The following PPP4R3B variants were observed in gnomAD, a reference collection of about 807,000 sequenced individuals.
PPP4R3B encodes the protein protein phosphatase 4 regulatory subunit 3B.
Under a neutral mutation model 95.4 loss-of-function variants are expected in PPP4R3B, and 52 were observed. That is an observed-to-expected ratio of 0.54 (90% CI 0.44 to 0.69). PPP4R3B has a LOEUF of 0.69. PPP4R3B is among the 30% of genes least tolerant of loss of function. The pLI, the probability that PPP4R3B is intolerant of heterozygous loss-of-function variation, is 0.00. For synonymous variants in PPP4R3B, 407 were observed against 343.9 expected (o/e 1.18, Z -2.03); for missense variants, 1,003 against 1,005.9 (o/e 1.00, Z 0.04).
chr2:55,574,620 G>C (rs1052878988), intron 11 of PPP4R3B, among the ~76,000 whole-genome samples: 22 of 150,346 alleles, frequency 1.5e-4, no homozygotes, highest in African/African-American at 5.4e-4. Flanking sequence ...TTGATACAGA[G>C]TCTTGCTCTG....
intron 16 of PPP4R3B, among the ~76,000 whole-genome samples, chr2:55,554,339 C>G (rs1685581604): frequency 6.6e-6 from 1 of 152,226 alleles, no homozygotes; most frequent in South Asian, 2.1e-4. Context: ...CAGGCATAAG[C>G]CTATGCACCA....
intron 2 of PPP4R3B, among the ~76,000 whole-genome samples, chr2:55,611,903 A>AT (rs982234729): frequency 2.0e-5 from 3 of 151,758 alleles, no homozygotes; most frequent in African/African-American, 7.3e-5. Flanking sequence ...TAATTTTTGA[A>AT]TTTTTTTTGG....
intron 15 of PPP4R3B, among the ~76,000 whole-genome samples, chr2:55,560,466 C>G (rs1051994030): frequency 4.6e-5 from 7 of 152,092 alleles, no homozygotes; most frequent in Non-Finnish European, 1.0e-4. Flanking sequence ...GAAGAAATTT[C>G]TAAGCAGCAA....
intron 16 of PPP4R3B, among the ~76,000 whole-genome samples, chr2:55,558,274 G>A (rs1686105492): frequency 6.6e-6 from 1 of 152,150 alleles, no homozygotes; most frequent in African/African-American, 2.4e-5. Flanking sequence ...TGAAATATTA[G>A]AATCAACTTA....
intron 13 of PPP4R3B, among the ~76,000 whole-genome samples, chr2:55,566,041 A>G (rs1035777646): frequency 6.6e-6 from 1 of 152,164 alleles, no homozygotes; most frequent in Non-Finnish European, 1.5e-5. Context: ...ATTCTAAACC[A>G]TCACTGCAAA....
At chr2:55,562,216 G>A (rs1007994941) in intron 15 of PPP4R3B, among the ~76,000 whole-genome samples, 1 of 152,134 alleles carries the variant, frequency 6.6e-6, no homozygotes, top group East Asian at 1.9e-4. Context: ...GAGACCAGGA[G>A]TTCAAGACCA....
intron 7 of PPP4R3B, 36 bp from the exon 8 acceptor site, chr2:55,581,734 C>T: frequency 6.3e-7 from 1 of 1,599,306 alleles, no homozygotes; most frequent in Non-Finnish European, 8.5e-7. Context: ...AACATGTTTC[C>T]ATTAGACCTG....
chr2:55,579,746 G>GTAGAAAAAATT lies in PPP4R3B; in HGVS notation c.1390_1400dup (p.Tyr467Ter). 1 of 1,604,944 alleles carries GTAGAAAAAATT rather than the reference G, an allele frequency of 6.2e-7. No homozygotes were observed. Among genetic ancestry groups the GTAGAAAAAATT allele is most frequent in the Non-Finnish European group, 8.5e-7 (1 of 1,176,034 alleles). On this transcript the variant is annotated stop_gained and frameshift_variant, in exon 9 of 17. Transcript: ENST00000616407. LOFTEE classifies it high-confidence loss of function. The stretch of plus-strand genomic sequence containing the variant: ...CTGTGAGAACATGCATACAATGGTT[G>GTAGAAAAAATT]TAGAAAAAATTTAGAAATTCACTTT...
chr2:55,561,418 G>A (rs371055847), intron 15 of PPP4R3B, among the ~76,000 whole-genome samples: 37 of 152,336 alleles, frequency 2.4e-4, no homozygotes, highest in African/African-American at 8.4e-4. Flanking sequence ...TCCCCACTGG[G>A]ATACTGCCTA....
chr2:55,576,692 A>C (rs1449025302), intron 11 of PPP4R3B, among the ~76,000 whole-genome samples: 1 of 152,150 alleles, frequency 6.6e-6, no homozygotes, highest in Non-Finnish European at 1.5e-5. Flanking sequence ...ACAGAGTGAG[A>C]CTCCATCTCA....
chr2:55,573,549 T>G, intron 12 of PPP4R3B, 70 bp downstream of exon 12: 1 of 1,360,884 alleles, frequency 7.3e-7, no homozygotes, highest in Non-Finnish European at 9.9e-7. Flanking sequence ...TGCTAATAAA[T>G]AACTTCAAAT....
At position 55,598,982 on chromosome 2, in the gene PPP4R3B, C is replaced by T. The variant is rs1416501505; in HGVS notation, c.355G>A (p.Glu119Lys). The T allele has an allele frequency of 3.1e-6, 5 of 1,613,972 alleles. No individual in the cohort carries two copies. Among genetic ancestry groups the T allele is most frequent in the Non-Finnish European group, 4.2e-6 (5 of 1,180,036 alleles). ...VTQDLIDESE[E>K]ERFEEMPETS... is the part of the protein sequence containing the mutation. ...TCAGGCATTTCTTCAAATCGTTCTT[C>T]TTCAGATTCATCAATGAGGTCCTGT... Residue 119 changes from glutamate to lysine, a missense_variant, in exon 4 of 17, where the codon GAA (glutamate) becomes AAA (lysine). Around this residue, in one of 3 missense-constraint regions of PPP4R3B, gnomAD observed 695 missense variants for 686.2 expected, o/e 1.01. Coordinates refer to ENST00000616407, the MANE Select transcript of PPP4R3B (RefSeq NM_001122964.3).
At chr2:55,594,549 C>T (rs1461216150) in intron 4 of PPP4R3B, among the ~76,000 whole-genome samples, 1 of 152,006 alleles carries the variant, frequency 6.6e-6, no homozygotes, top group East Asian at 1.9e-4. Flanking sequence ...ATTTATAGTT[C>T]ATATAATTTA....
intron 16 of PPP4R3B, among the ~76,000 whole-genome samples, chr2:55,551,595 A>T (rs1349290794): frequency 6.6e-6 from 1 of 151,952 alleles, no homozygotes; most frequent in Non-Finnish European, 1.5e-5. Flanking sequence ...TACTAAAAAT[A>T]AAAAAATTAG....
chr2:55,603,038 TC>T (rs1350299897), intron 3 of PPP4R3B, among the ~76,000 whole-genome samples: 2 of 151,112 alleles, frequency 1.3e-5, no homozygotes, highest in Non-Finnish European at 2.9e-5. Flanking sequence ...CACTGAAACC[TC>T]CCTCAGAGGT....
intron 2 of PPP4R3B, among the ~76,000 whole-genome samples, chr2:55,611,884 A>C (rs1339105923): frequency 1.3e-5 from 2 of 151,960 alleles, no homozygotes; most frequent in African/African-American, 4.8e-5. Context: ...GCGCACCACC[A>C]CACCTGGATA....
chr2:55,570,814 T>A (rs1687900364), intron 12 of PPP4R3B, among the ~76,000 whole-genome samples: 1 of 152,204 alleles, frequency 6.6e-6, no homozygotes, highest in South Asian at 2.1e-4. Flanking sequence ...GGGAGACGTG[T>A]TAGACTTACA....
intron 11 of PPP4R3B, among the ~76,000 whole-genome samples, chr2:55,576,599 G>A (rs1301910828): frequency 1.3e-5 from 2 of 151,156 alleles, no homozygotes; most frequent in Non-Finnish European, 2.9e-5. Context: ...AAAATCGGGA[G>A]GCTGAGGCAG....
chr2:55,605,904 C>CAAAA (rs35675375), intron 2 of PPP4R3B, among the ~76,000 whole-genome samples: 2 of 86,420 alleles, frequency 2.3e-5, no homozygotes, highest in Non-Finnish European at 2.5e-5. Context: ...GACTCCGTCT[C>CAAAA]AAAAAAAAAA....
Sources: allele counts gnomAD v4.1 joint callset (sites outside exome capture counted in the v4.1 genomes callset), GRCh38; gene constraint gnomAD v4.1.1; regional missense constraint gnomAD v4.1.1; transcripts MANE v1.5; gene names NCBI Gene and HGNC (gene_info 2026-07-23, HGNC 2026-07-21).